Variants in CTSB observed in about 807,000 individuals in gnomAD.
The protein encoded by CTSB is cathepsin B.
CTSB carries 57 observed loss-of-function variants against 44.3 expected under a neutral mutation model. That is an observed-to-expected ratio of 1.29 (90% CI 1.04 to 1.60). The LOEUF (loss-of-function observed/expected upper bound fraction) is 1.60. Among genes scored for constraint, CTSB ranks in the 40% most tolerant of loss-of-function variants. The pLI, the probability that CTSB is intolerant of heterozygous loss-of-function variation, is 0.00. For missense variants in CTSB, 768 were observed against 443.0 expected, an observed-to-expected ratio of 1.73 and a Z score of -6.59; for synonymous variants, 320 against 168.0, an observed-to-expected ratio of 1.91 and a Z score of -7.00.
chr8:11,868,041 A>C lies in CTSB; in HGVS notation c.-66T>G, dbSNP rs1196659466. On this transcript the variant is annotated 5_prime_UTR_variant, in exon 1 of 10. Coordinates refer to ENST00000353047, the MANE Select transcript of CTSB (RefSeq NM_001908.5). ...AGAGCCTGCAGCCCAGCCTGCGCGC[A>C]GCGGAGCGGTTGGCGTTGCCGGAGC... The C allele has an allele frequency of 6.6e-6, 1 of 152,344 alleles. No individual in the cohort carries two copies. Among genetic ancestry groups the C allele is most frequent in the Non-Finnish European group, 1.5e-5 (1 of 68,438 alleles). 9.4% of individuals were successfully genotyped at this position (152,344 alleles called of 1,614,324 possible). A position where few individuals can be genotyped will look rare whatever the true frequency, so the allele number is the denominator to read the frequency against.
rs370621719 is a variant in CTSB at position 11,847,636 on chromosome 8, C to T, written c.676+43G>A. 7 of 1,501,186 alleles carry T rather than the reference C, an allele frequency of 4.7e-6. No homozygotes were observed. The African/African-American group carries it at 5.6e-5, about 12-fold the overall frequency. 93.0% of individuals were successfully genotyped at this position (1,501,186 alleles called of 1,614,324 possible). A position where few individuals can be genotyped will look rare whatever the true frequency, so the allele number is the denominator to read the frequency against. The stretch of plus-strand genomic sequence containing the variant: ...AGCGTGAGGAGGGATGCAGCAGCTC[C>T]CCAGCCTCCACGTGCGCCGTGGCCA... On this transcript the variant is annotated intron_variant, in intron 7 of 9. Coordinates refer to ENST00000353047, the MANE Select transcript of CTSB (RefSeq NM_001908.5).
chr8:11,847,859 G>GC (rs1398737800), intron 6 of CTSB, 37 bp from the exon 7 acceptor site: 2 of 1,478,858 alleles, frequency 1.4e-6, no homozygotes, highest in Non-Finnish European at 8.9e-7. Flanking sequence ...TCAACCTACA[G>GC]CCCCCACGGA....
chr8:11,845,687 G>A lies in CTSB; in HGVS notation c.896C>T (p.Ser299Phe), dbSNP rs775321729. 11 of 1,613,856 alleles carry A rather than the reference G, an allele frequency of 6.8e-6. No homozygotes were observed. Among genetic ancestry groups the A allele is most frequent in the Non-Finnish European group, 8.5e-7 (1 of 1,179,862 alleles). The change falls in exon 9 of 10, where the codon TCC becomes TTC. Residue 299 changes from serine to phenylalanine, a missense_variant. Transcript: ENST00000353047. Reference protein sequence around the residue: ...NGTPYWLVANSWNTDWGDNGF... With the variant: ...NGTPYWLVANFWNTDWGDNGF... ...ATTGTCACCCCAGTCAGTGTTCCAG[G>A]AGTTGGCAACCAGCCAGTAGGGTGT...
intron 1 of CTSB, among the ~76,000 whole-genome samples, chr8:11,855,530 A>G (rs1050722030): frequency 6.6e-6 from 1 of 152,154 alleles, no homozygotes; most frequent in African/African-American, 2.4e-5. Context: ...ATGCTGGAGG[A>G]AAGCTTAGGA....
rs563236488 is a variant in CTSB at position 11,845,660 on chromosome 8, C to T, written c.922+1G>A. 6.2e-7 allele frequency: 1 copy of T among 1,612,492 alleles called. No individual in the cohort carries two copies. On this transcript the variant is annotated splice_donor_variant, in intron 9 of 9. Transcript: ENST00000353047. LOFTEE classifies it high-confidence loss of function. The stretch of plus-strand genomic sequence containing the variant: ...TTGGCAGGAAGGGGGCAGCCACTCA[C>T]CATTGTCACCCCAGTCAGTGTTCCA...
intron 2 of CTSB, 98 bp from the exon 3 acceptor site, chr8:11,852,793 C>G (rs1386494211): frequency 2.8e-6 from 3 of 1,068,336 alleles, no homozygotes; most frequent in East Asian, 2.5e-5. Context: ...AAACCAGAGA[C>G]CCTACCCAAT....
chr8:11,855,241 C>G (rs1815316328), intron 1 of CTSB, among the ~76,000 whole-genome samples: 1 of 152,124 alleles, frequency 6.6e-6, no homozygotes. Context: ...AGGCTGGTCT[C>G]GAACGCCTGA....
At chr8:11,861,848 CT>C (rs1411683775) in intron 1 of CTSB, among the ~76,000 whole-genome samples, 1 of 152,172 alleles carries the variant, frequency 6.6e-6, no homozygotes, top group Non-Finnish European at 1.5e-5. Flanking sequence ...CGGCGGTTCC[CT>C]AATTCAACCG....
chr8:11,853,476 C>A lies in CTSB; in HGVS notation c.-22G>T. On this transcript the variant is annotated 5_prime_UTR_variant, in exon 2 of 10. Coordinates refer to ENST00000353047, the MANE Select transcript of CTSB (RefSeq NM_001908.5). ...ACATGTTGGAAGCCGGATCCTAGAT[C>A]CACCTGGAGAGGACAGAGGGCATCA... The A allele has an allele frequency of 3.1e-6, 5 of 1,609,192 alleles. No homozygotes were observed. Among genetic ancestry groups the A allele is most frequent in the Non-Finnish European group, 4.2e-6 (5 of 1,178,754 alleles).
At chr8:11,849,309 C>A in intron 4 of CTSB, 145 bp from the exon 5 acceptor site, 1 of 568,188 alleles carries the variant, frequency 1.8e-6, no homozygotes, top group East Asian at 3.0e-5. Context: ...GGCTCAAACT[C>A]AGCTTTTATT....
At chr8:11,849,011 C>T in intron 5 of CTSB, 35 bp downstream of exon 5, 1 of 1,526,836 alleles carries the variant, frequency 6.5e-7, no homozygotes, top group Non-Finnish European at 9.1e-7. Context: ...GGTCTCTCAG[C>T]ACTAAACCCG....
intron 3 of CTSB, among the ~76,000 whole-genome samples, chr8:11,851,449 C>G (rs1349078775): frequency 1.3e-5 from 2 of 152,148 alleles, no homozygotes; most frequent in African/African-American, 4.8e-5. Context: ...CTTGGCCTCC[C>G]AAAGTGCTGG....
chr8:11,848,392 T>G (rs1813862865), intron 5 of CTSB: 1 of 645,752 alleles, frequency 1.5e-6, no homozygotes, highest in Non-Finnish European at 2.9e-6. Flanking sequence ...GACAGGAGGC[T>G]CTCCTGTTCA....
intron 1 of CTSB, chr8:11,854,839 T>C (rs1297050649): frequency 6.6e-6 from 1 of 152,230 alleles, no homozygotes; most frequent in African/African-American, 2.4e-5. Flanking sequence ...TGTCGTAAAA[T>C]GCTGGGTGAT....
At chr8:11,858,274 A>T (rs1025440539) in intron 1 of CTSB, among the ~76,000 whole-genome samples, 11 of 152,186 alleles carry the variant, frequency 7.2e-5, no homozygotes, top group African/African-American at 2.7e-4. Context: ...CGCCAGGAAG[A>T]GTCTAAATGA....
chr8:11,853,544 G>T, intron 1 of CTSB, 65 bp from the exon 2 acceptor site: 2 of 1,501,100 alleles, frequency 1.3e-6, no homozygotes, highest in South Asian at 1.2e-5. Context: ...ACACACACAG[G>T]GGCACCGTCT....
intron 8 of CTSB, chr8:11,846,431 C>T (rs1813356225): frequency 6.6e-6 from 1 of 152,348 alleles, no homozygotes; most frequent in African/African-American, 2.4e-5. Flanking sequence ...TTACAAGTTT[C>T]CAATCTAGCA....
At position 11,844,308 on chromosome 8, in the gene CTSB, CAG is replaced by C. The variant is rs368390283; in HGVS notation, c.*815_*816del. The C allele has an allele frequency of 2.0e-5, 3 of 152,360 alleles. No individual in the cohort carries two copies. The highest frequency in any genetic ancestry group is 7.2e-5 in the African/African-American group (3 of 41,568). 9.4% of individuals were successfully genotyped at this position (152,360 alleles called of 1,614,324 possible). ...AGTGACAAAGGATCTGAGATCCCAT[CAG>C]AGTAGACTTCAAGTTGGAGAAAACT... On this transcript the variant is annotated 3_prime_UTR_variant, in exon 10 of 10. Transcript: ENST00000353047.
chr8:11,852,899 A>G (rs918500724), intron 2 of CTSB, among the ~76,000 whole-genome samples: 1 of 152,122 alleles, frequency 6.6e-6, no homozygotes, highest in Non-Finnish European at 1.5e-5. Flanking sequence ...TTTGCTGACA[A>G]TCAGAGACCC....
Sources: gnomAD v4.1 joint callset for allele counts (sites outside exome capture counted in the v4.1 genomes callset) on GRCh38, gnomAD v4.1.1 for gene constraint, MANE v1.5 for transcripts, NCBI Gene and HGNC (gene_info 2026-07-23, HGNC 2026-07-21) for gene names.